SCAI: variants seen among roughly 807,000 people sequenced by gnomAD.
SCAI encodes the protein suppressor of cancer cell invasion.
Under a neutral mutation model 92.2 loss-of-function variants are expected in SCAI, and 24 were observed. The observed-to-expected ratio is 0.26, with a 90% CI of 0.19 to 0.37. The LOEUF (loss-of-function observed/expected upper bound fraction) is 0.37, where lower values mean the gene tolerates loss of function less well. Ranked by LOEUF, SCAI falls within the 10% of genes least tolerant of loss-of-function variation. The pLI, the probability that SCAI is intolerant of heterozygous loss-of-function variation, is 1.00. For synonymous variants in SCAI, 261 were observed against 258.6 expected (o/e 1.01, Z -0.09); for missense variants, 450 against 736.2 (o/e 0.61, Z 4.50).
chr9:124,955,166 T>TA (rs58659477), intron 17 of SCAI, among the ~76,000 whole-genome samples: 2,568 of 111,192 alleles, frequency 0.023, 66 homozygotes, highest in African/African-American at 0.075. Flanking sequence ...AGACTCCGTC[T>TA]AAAAAAAAAA....
At chr9:125,063,084 T>C (rs1588189406) in intron 2 of SCAI, among the ~76,000 whole-genome samples, 1 of 139,408 alleles carries the variant, frequency 7.2e-6, no homozygotes, top group African/African-American at 2.7e-5. Flanking sequence ...AATAGAATGG[T>C]TTTAATTATA....
intron 3 of SCAI, among the ~76,000 whole-genome samples, chr9:125,035,853 T>A (rs1170570034): frequency 6.6e-6 from 1 of 151,826 alleles, no homozygotes; most frequent in Non-Finnish European, 1.5e-5. Flanking sequence ...AGGCCAGGAG[T>A]TCGAGACCAG....
chr9:124,974,078 T>C (rs1344925516), intron 15 of SCAI: 6 of 262,392 alleles, frequency 2.3e-5, no homozygotes, highest in Non-Finnish European at 4.7e-5. Flanking sequence ...TAACCGCCCA[T>C]CAGGCTCTGT....
At chr9:125,114,432 C>G (rs1834995263) in intron 2 of SCAI, among the ~76,000 whole-genome samples, 1 of 151,862 alleles carries the variant, frequency 6.6e-6, no homozygotes, top group East Asian at 1.9e-4. Context: ...AGTATAATGG[C>G]TAAATTTTTA....
intron 2 of SCAI, among the ~76,000 whole-genome samples, chr9:125,100,808 G>A (rs1413638404): frequency 6.6e-6 from 1 of 152,060 alleles, no homozygotes; most frequent in African/African-American, 2.4e-5. Context: ...CTTGAAGGAG[G>A]TGAAAGAATA....
rs1451640602 is a variant in SCAI, at chr9:124,945,074, A to G, written c.*7733T>C. On this transcript the variant is annotated 3_prime_UTR_variant, in exon 18 of 18. Transcript: ENST00000336505. ...CCTAAAAAGATGATTGTCGTAGTAG[A>G]CAGACTGGAATTGTCCACCAAAATA... The G allele has an allele frequency of 1.3e-5, 2 of 152,196 alleles. No homozygotes were observed. Among genetic ancestry groups the G allele is most frequent in the East Asian group, 3.8e-4 (2 of 5,196 alleles). The allele number at this position is 152,196 out of a possible 1,614,324, so 9.4% of individuals were successfully genotyped here. A position where few individuals can be genotyped will look rare whatever the true frequency, so the allele number is the denominator to read the frequency against.
chr9:125,025,323 G>C (rs1028783184), intron 6 of SCAI, among the ~76,000 whole-genome samples: 1 of 152,042 alleles, frequency 6.6e-6, no homozygotes, highest in Non-Finnish European at 1.5e-5. Context: ...AACTGCAAAG[G>C]AAAACAATTC....
intron 17 of SCAI, among the ~76,000 whole-genome samples, chr9:124,957,678 C>A (rs1393018209): frequency 7.2e-6 from 1 of 139,530 alleles, no homozygotes; most frequent in African/African-American, 2.8e-5. Context: ...CCAAATAATA[C>A]AATTTTTTTT....
intron 17 of SCAI, among the ~76,000 whole-genome samples, chr9:124,960,096 C>A (rs889702761): frequency 3.9e-5 from 6 of 152,104 alleles, no homozygotes; most frequent in Admixed American, 1.3e-4. Flanking sequence ...TTCTAGATCC[C>A]TGAGGAATCA....
At chr9:124,977,012 G>A (rs1831772951) in intron 14 of SCAI, among the ~76,000 whole-genome samples, 1 of 151,928 alleles carries the variant, frequency 6.6e-6, no homozygotes, top group African/African-American at 2.4e-5. Flanking sequence ...AGGACTACAG[G>A]TGCATGCCAC....
chr9:125,071,788 G>A (rs1029250276), intron 2 of SCAI, among the ~76,000 whole-genome samples: 8 of 152,194 alleles, frequency 5.3e-5, no homozygotes, highest in Non-Finnish European at 8.8e-5. Flanking sequence ...CAAAAGGAGT[G>A]TTGGTTAATC....
At chr9:125,115,940 A>G (rs1835037149) in intron 2 of SCAI, among the ~76,000 whole-genome samples, 1 of 152,228 alleles carries the variant, frequency 6.6e-6, no homozygotes, top group African/African-American at 2.4e-5. Context: ...CACGCCTGTA[A>G]TCCCAGCATT....
rs967410114 is a variant in SCAI at position 125,028,264 on chromosome 9, AACT to A, written c.413+125_413+127del. Reference sequence around the variant, plus strand: ...ACATTGTCTTGATCAATCTGGTCCGAACTACTAGAGTTTCATTTGTAACTCGTG... The same window carrying A: ...ACATTGTCTTGATCAATCTGGTCCGAACTAGAGTTTCATTTGTAACTCGTG... On this transcript the variant is annotated intron_variant, in intron 5 of 17. Transcript: ENST00000336505. 4 of 581,846 alleles carry A rather than the reference AACT, an allele frequency of 6.9e-6. No individual in the cohort carries two copies. In the African/African-American group the frequency reaches 7.9e-5, roughly 12 times the overall value. 36.0% of individuals were successfully genotyped at this position (581,846 alleles called of 1,614,324 possible).
intron 2 of SCAI, among the ~76,000 whole-genome samples, chr9:125,073,306 G>A (rs915016975): frequency 2.0e-5 from 3 of 150,058 alleles, no homozygotes; most frequent in Non-Finnish European, 3.0e-5. Flanking sequence ...GGGTTTCACC[G>A]TGTTAGCCAG....
chr9:125,100,663 T>A (rs1346847916), intron 2 of SCAI, among the ~76,000 whole-genome samples: 3 of 152,192 alleles, frequency 2.0e-5, no homozygotes, highest in African/African-American at 7.2e-5. Context: ...GTACAAATTA[T>A]ATAAATTACA....
intron 3 of SCAI, among the ~76,000 whole-genome samples, chr9:125,031,945 T>C (rs1833081068): frequency 6.6e-6 from 1 of 151,962 alleles, no homozygotes; most frequent in Non-Finnish European, 1.5e-5. Context: ...CCAGATAAAA[T>C]ACATGTTCTT....
intron 3 of SCAI, among the ~76,000 whole-genome samples, chr9:125,038,149 C>A (rs535992802): frequency 6.6e-6 from 1 of 151,798 alleles, no homozygotes; most frequent in Non-Finnish European, 1.5e-5. Context: ...GCTAGCTACT[C>A]GGGGAGCTGA....
At chr9:125,124,550 G>A (rs1379987870) in intron 2 of SCAI, among the ~76,000 whole-genome samples, 1 of 152,184 alleles carries the variant, frequency 6.6e-6, no homozygotes, top group East Asian at 1.9e-4. Flanking sequence ...GAGTCAGGCA[G>A]GAGAAGCTCC....
intron 2 of SCAI, 179 bp downstream of exon 2, chr9:125,142,454 G>T: frequency 6.5e-6 from 3 of 460,812 alleles, no homozygotes; most frequent in Non-Finnish European, 7.9e-6. Context: ...AAAAAAAATC[G>T]ACTGTAGAGG....
Sources: allele counts gnomAD v4.1 joint callset (sites outside exome capture counted in the v4.1 genomes callset), GRCh38; gene constraint gnomAD v4.1.1; transcripts MANE v1.5; gene names NCBI Gene and HGNC (gene_info 2026-07-23, HGNC 2026-07-21).